The following KCNMA1 variants were observed in gnomAD, a reference collection of about 807,000 sequenced individuals.
KCNMA1 encodes Calcium-activated potassium channel subunit alpha-1.
KCNMA1 carries 29 observed loss-of-function variants against 140.0 expected under a neutral mutation model. That is an observed-to-expected ratio of 0.21 (90% CI 0.15 to 0.28). The LOEUF is 0.28. KCNMA1 is among the 10% of genes least tolerant of loss of function. The probability of loss-of-function intolerance (pLI) is 1.00; values close to 1 mark genes in which losing one functional copy is unlikely to be tolerated. For missense variants in KCNMA1, 880 were observed against 1,602.2 expected (o/e 0.55, Z 7.70); for synonymous variants, 612 against 611.9 (o/e 1.00, Z 0.00).
intron 1 of KCNMA1, among the ~76,000 whole-genome samples, chr10:77,419,729 T>C (rs572621199): frequency 4.6e-5 from 7 of 152,366 alleles, no homozygotes; most frequent in African/African-American, 1.7e-4. Context: ...CAAACTGCTC[T>C]TCAGGGACCC....
chr10:77,600,353 A>G (rs899828298), intron 1 of KCNMA1, among the ~76,000 whole-genome samples: 1 of 152,206 alleles, frequency 6.6e-6, no homozygotes, highest in African/African-American at 2.4e-5. Context: ...GGAGAGCAGG[A>G]GGTGGGATGG....
chr10:76,972,375 G>C (rs1185746118), intron 19 of KCNMA1, among the ~76,000 whole-genome samples: 1 of 152,168 alleles, frequency 6.6e-6, no homozygotes, highest in Non-Finnish European at 1.5e-5. Flanking sequence ...GATGAGTTAA[G>C]ACCTGAACAG....
intron 1 of KCNMA1, among the ~76,000 whole-genome samples, chr10:77,509,744 T>C (rs1391645467): frequency 6.6e-6 from 1 of 152,206 alleles, no homozygotes; most frequent in African/African-American, 2.4e-5. Flanking sequence ...TCGGGAAGCA[T>C]GTGGTATGTT....
At chr10:77,242,833 C>A (rs1445125996) in intron 3 of KCNMA1, among the ~76,000 whole-genome samples, 1 of 150,850 alleles carries the variant, frequency 6.6e-6, no homozygotes, top group Non-Finnish European at 1.5e-5. Flanking sequence ...CTGTGATGAG[C>A]CTGGTGGCCA....
chr10:77,486,987 G>C (rs921007526), intron 1 of KCNMA1, among the ~76,000 whole-genome samples: 1 of 152,190 alleles, frequency 6.6e-6, no homozygotes, highest in African/African-American at 2.4e-5. Context: ...TAAAGCTCTT[G>C]AAAATGAGCT....
chr10:77,008,392 C>A (rs1487947419), intron 18 of KCNMA1, among the ~76,000 whole-genome samples: 1 of 152,120 alleles, frequency 6.6e-6, no homozygotes, highest in Non-Finnish European at 1.5e-5. Flanking sequence ...AATCATTAGA[C>A]AAGGTTTGTT....
chr10:77,575,278 G>A (rs774600617), intron 1 of KCNMA1, among the ~76,000 whole-genome samples: 6 of 152,222 alleles, frequency 3.9e-5, no homozygotes, highest in Non-Finnish European at 8.8e-5. Context: ...CCAGAATTAA[G>A]CAGTGGTGGC....
chr10:77,453,878 T>G (rs888659541), intron 1 of KCNMA1, among the ~76,000 whole-genome samples: 1 of 152,042 alleles, frequency 6.6e-6, no homozygotes, highest in African/African-American at 2.4e-5. Flanking sequence ...CTGGGAACGG[T>G]TCACCTTCCC....
At position 77,478,454 on chromosome 10, in the gene KCNMA1, T is replaced by C. The variant is rs117402187; in HGVS notation, c.379-74431A>G. ...AAACAGCCCTAGTGAGTCACAAGGA[T>C]AGATGAATGCTACGGTGATTCTTAC... On this transcript the variant is annotated intron_variant, in intron 1 of 27. Transcript: ENST00000286628. 8.7e-4 allele frequency among the ~76,000 whole-genome samples: 133 copies of C among 152,236 alleles called. 1 individual carries two copies. Among genetic ancestry groups the C allele is most frequent in the East Asian group, 7.9e-3 (41 of 5,184 alleles).
At chr10:77,509,973 A>C (rs3127449) in intron 1 of KCNMA1, among the ~76,000 whole-genome samples, 70,188 of 151,600 alleles carry the variant, frequency 0.46, 18,627 homozygotes, top group African/African-American at 0.72. Flanking sequence ...CTGATATCAT[A>C]ACCCAATTAG....
intron 3 of KCNMA1, among the ~76,000 whole-genome samples, chr10:77,237,291 T>A (rs962862025): frequency 1.3e-5 from 2 of 152,188 alleles, no homozygotes; most frequent in African/African-American, 2.4e-5. Context: ...ACATCTCTCA[T>A]CACCACTTTC....
At chr10:77,118,784 G>A (rs756156201) in intron 6 of KCNMA1, among the ~76,000 whole-genome samples, 4 of 152,162 alleles carry the variant, frequency 2.6e-5, no homozygotes, top group Non-Finnish European at 5.9e-5. Flanking sequence ...TAACCACACC[G>A]TCAGGTGGCC....
At chr10:77,201,542 C>T (rs2042470117) in intron 3 of KCNMA1, among the ~76,000 whole-genome samples, 1 of 152,162 alleles carries the variant, frequency 6.6e-6, no homozygotes, top group Admixed American at 6.5e-5. Context: ...AGCAGGAAGG[C>T]ATGCTGGGGA....
At chr10:77,565,296 C>G (rs753677302) in intron 1 of KCNMA1, among the ~76,000 whole-genome samples, 33 of 152,192 alleles carry the variant, frequency 2.2e-4, no homozygotes, top group Non-Finnish European at 4.3e-4. Context: ...GTAAGCACTC[C>G]CTTAAAGGAA....
intron 1 of KCNMA1, among the ~76,000 whole-genome samples, chr10:77,417,426 C>A (rs567064100): frequency 6.6e-6 from 1 of 152,314 alleles, no homozygotes; most frequent in African/African-American, 2.4e-5. Flanking sequence ...AGAGCTTTCC[C>A]AGGCATCACT....
chr10:76,938,795 A>G (rs2061227390), intron 23 of KCNMA1, among the ~76,000 whole-genome samples: 1 of 152,122 alleles, frequency 6.6e-6, no homozygotes, highest in African/African-American at 2.4e-5. Context: ...CCTCTAACAC[A>G]TCCCCAGGAA....
intron 2 of KCNMA1, among the ~76,000 whole-genome samples, chr10:77,265,054 C>CTT (rs796813897): frequency 2.1e-4 from 30 of 146,318 alleles, no homozygotes; most frequent in Non-Finnish European, 3.6e-4. Context: ...TCAAAAGACT[C>CTT]TTTTTTTTTT....
Position 76,949,380 on chromosome 10 carries a change from A to G in KCNMA1, c.2485-14T>C, listed in dbSNP as rs1591667278. 4 of 1,606,664 alleles carry G rather than the reference A, an allele frequency of 2.5e-6. No homozygotes were observed. Among genetic ancestry groups the G allele is most frequent in the Non-Finnish European group, 3.4e-6 (4 of 1,174,090 alleles). Reference sequence around the variant, plus strand: ...TTCACTTCGAGTCTACAACAGGGAGAAGTGGGTAAGAGTCAGAGAGAAGAC... The same window carrying G: ...TTCACTTCGAGTCTACAACAGGGAGGAGTGGGTAAGAGTCAGAGAGAAGAC... On this transcript the variant is annotated splice_polypyrimidine_tract_variant and intron_variant, in intron 21 of 27. Transcript: ENST00000286628.
intron 22 of KCNMA1, among the ~76,000 whole-genome samples, chr10:76,947,664 C>T (rs2064564160): frequency 6.6e-6 from 1 of 152,186 alleles, no homozygotes; most frequent in Admixed American, 6.5e-5. Context: ...CTATAGGTGA[C>T]TATTTTCAAC....
Sources: allele counts gnomAD v4.1 joint callset (sites outside exome capture counted in the v4.1 genomes callset), GRCh38; gene constraint gnomAD v4.1.1; transcripts MANE v1.5; gene names NCBI Gene and HGNC (gene_info 2026-07-23, HGNC 2026-07-21).